The following ROBO2 variants were observed in gnomAD, a reference collection of about 807,000 sequenced individuals.
ROBO2 encodes the protein roundabout guidance receptor 2.
ROBO2 carries 53 observed loss-of-function variants against 160.8 expected under a neutral mutation model. The observed-to-expected ratio is 0.33, with a 90% CI of 0.26 to 0.41. ROBO2 has a LOEUF of 0.41. Among genes scored for constraint, ROBO2 ranks in the 10% least tolerant of loss-of-function variants. ROBO2 has a pLI of 1.00. For missense variants in ROBO2, 1,577 were observed against 1,722.4 expected, an observed-to-expected ratio of 0.92 and a Z score of 1.49; for synonymous variants, 664 against 611.7, an observed-to-expected ratio of 1.09 and a Z score of -1.26.
chr3:77,388,298 C>G (rs1287773979), intron 2 of ROBO2, among the ~76,000 whole-genome samples: 1 of 152,024 alleles, frequency 6.6e-6, no homozygotes, highest in Non-Finnish European at 1.5e-5. Flanking sequence ...CCTATAGTCC[C>G]AATTACTCAG....
At chr3:76,553,836 A>G (rs1037971177) in intron 2 of ROBO2, among the ~76,000 whole-genome samples, 1 of 152,172 alleles carries the variant, frequency 6.6e-6, no homozygotes, top group African/African-American at 2.4e-5. Context: ...ATAAGCAATG[A>G]AATTGTGTAT....
intron 2 of ROBO2, among the ~76,000 whole-genome samples, chr3:77,407,994 A>G: frequency 6.6e-6 from 1 of 152,246 alleles, no homozygotes; most frequent in East Asian, 1.9e-4. Context: ...GGAAAGGTGC[A>G]TGCACTTCCC....
chr3:75,989,707 A>C (rs950203343), intron 2 of ROBO2, among the ~76,000 whole-genome samples: 1 of 152,232 alleles, frequency 6.6e-6, no homozygotes, highest in Non-Finnish European at 1.5e-5. Flanking sequence ...TTAATATAAG[A>C]ATGATGTCAA....
intron 2 of ROBO2, among the ~76,000 whole-genome samples, chr3:77,278,844 C>T (rs1487643935): frequency 3.9e-5 from 6 of 152,016 alleles, no homozygotes; most frequent in Non-Finnish European, 8.8e-5. Context: ...GGAAAAAAGA[C>T]AAACAAAAAT....
At chr3:76,855,363 C>T (rs1412863000) in intron 2 of ROBO2, among the ~76,000 whole-genome samples, 1 of 152,168 alleles carries the variant, frequency 6.6e-6, no homozygotes, top group Non-Finnish European at 1.5e-5. Flanking sequence ...TTACACATGG[C>T]TTTACCACAA....
At chr3:75,953,387 C>T (rs1241981234) in intron 2 of ROBO2, among the ~76,000 whole-genome samples, 1 of 151,866 alleles carries the variant, frequency 6.6e-6, no homozygotes. Context: ...CCATATTTGA[C>T]AGCTGTATTT....
At chr3:76,880,130 T>C (rs2073183649) in intron 2 of ROBO2, among the ~76,000 whole-genome samples, 3 of 152,264 alleles carry the variant, frequency 2.0e-5, no homozygotes, top group Admixed American at 1.3e-4. Flanking sequence ...TTAGGTCACA[T>C]GGTCAGAACA....
intron 5 of ROBO2, among the ~76,000 whole-genome samples, chr3:77,517,195 A>G (rs957140678): frequency 6.6e-6 from 1 of 151,656 alleles, no homozygotes; most frequent in Non-Finnish European, 1.5e-5. Context: ...GGATTGGTGG[A>G]TAGCAACTAG....
chr3:76,437,812 C>T (rs2076752977), intron 2 of ROBO2, among the ~76,000 whole-genome samples: 1 of 152,086 alleles, frequency 6.6e-6, no homozygotes, highest in Admixed American at 6.6e-5. Context: ...GGCTGTCTAC[C>T]CTTTTTCCAT....
intron 2 of ROBO2, among the ~76,000 whole-genome samples, chr3:77,434,706 T>G (rs73099883): frequency 0.079 from 11,961 of 152,140 alleles, 554 homozygotes; most frequent in African/African-American, 0.11. Flanking sequence ...AGTTGATGAG[T>G]TCCAGCTACT....
intron 2 of ROBO2, among the ~76,000 whole-genome samples, chr3:76,995,120 C>T (rs1264237755): frequency 7.8e-6 from 1 of 128,710 alleles, no homozygotes; most frequent in African/African-American, 3.1e-5. Context: ...CCCCAACAGG[C>T]CCCAGTGTGT....
rs148193370 is a variant in ROBO2, at chr3:76,504,797, G to A, written c.109+567195G>A. ...CCCACCTTGGCCTCCCAAAGGGCTG[G>A]GATTACAGGCCTGAGCCACCGCACC... On this transcript the variant is annotated intron_variant, in intron 2 of 26. Transcript: ENST00000487694. 9.3e-3 allele frequency among the ~76,000 whole-genome samples: 1,418 copies of A among 152,012 alleles called. 19 individuals carry two copies. Among genetic ancestry groups the A allele is most frequent in the African/African-American group, 0.028 (1,156 of 41,476 alleles).
chr3:76,800,084 C>G (rs773342942), intron 2 of ROBO2, among the ~76,000 whole-genome samples: 3 of 152,116 alleles, frequency 2.0e-5, no homozygotes, highest in Non-Finnish European at 4.4e-5. Context: ...AAAGTGAACT[C>G]ATTTTTGACA....
chr3:77,596,107 G>A (rs1159131418), intron 18 of ROBO2, among the ~76,000 whole-genome samples: 1 of 152,018 alleles, frequency 6.6e-6, no homozygotes, highest in Non-Finnish European at 1.5e-5. Flanking sequence ...TTAGAACTTG[G>A]AAATGTGCTA....
At chr3:76,487,370 T>G (rs9309740) in intron 2 of ROBO2, among the ~76,000 whole-genome samples, 41,024 of 151,786 alleles carry the variant, frequency 0.27, 6,956 homozygotes, top group African/African-American at 0.47. Flanking sequence ...AAAAGGGGGA[T>G]AAAAACGTAT....
intron 2 of ROBO2, among the ~76,000 whole-genome samples, chr3:76,262,140 G>A (rs966836906): frequency 1.2e-4 from 18 of 151,920 alleles, no homozygotes; most frequent in Non-Finnish European, 2.2e-4. Flanking sequence ...TTGCATATAC[G>A]TCTCCTACGT....
intron 2 of ROBO2, among the ~76,000 whole-genome samples, chr3:76,535,118 A>T (rs952467361): frequency 4.1e-4 from 63 of 152,116 alleles, no homozygotes; most frequent in Admixed American, 9.2e-4. Flanking sequence ...AGGGGTTGGT[A>T]AAGAAGGCTT....
At position 76,557,713 on chromosome 3, in the gene ROBO2, G is replaced by A. The variant is rs966631703; in HGVS notation, c.110-540301G>A. ...GAATTCCTTTGATTTTCTTCTTGCCGTACACTGACTTCTTGTTCTAATTTG... is the reference window on the plus strand; with the variant it reads ...GAATTCCTTTGATTTTCTTCTTGCCATACACTGACTTCTTGTTCTAATTTG... On this transcript the variant is annotated intron_variant, in intron 2 of 26. Transcript: ENST00000487694. Among the ~76,000 whole-genome samples, 8 of 143,600 alleles carry A rather than the reference G, an allele frequency of 5.6e-5. 1 individual carries two copies. The highest frequency in any genetic ancestry group is 2.1e-4 in the African/African-American group (8 of 38,466). The allele number at this position is 143,600 out of a possible 152,430, so 94.2% of individuals were successfully genotyped here.
intron 2 of ROBO2, among the ~76,000 whole-genome samples, chr3:76,806,870 T>C (rs1394592323): frequency 6.6e-6 from 1 of 152,086 alleles, no homozygotes; most frequent in East Asian, 1.9e-4. Flanking sequence ...CTTCCTTTAT[T>C]GTCTTAGTAT....
Sources: allele counts gnomAD v4.1 joint callset (sites outside exome capture counted in the v4.1 genomes callset), GRCh38; gene constraint gnomAD v4.1.1; transcripts MANE v1.5; gene names NCBI Gene and HGNC (gene_info 2026-07-23, HGNC 2026-07-21).